Variants in EIF2S3B observed in about 807,000 individuals in gnomAD.
EIF2S3B encodes the protein eukaryotic translation initiation factor 2 subunit gamma B, also known as eukaryotic translation initiation factor 2 subunit 3B.
EIF2S3B carries 16 observed loss-of-function variants against 26.4 expected under a neutral mutation model. The ratio of observed to expected loss-of-function variants is 0.61; its 90% confidence interval spans 0.41 to 0.92. The LOEUF is 0.92. EIF2S3B is among the 40% of genes least tolerant of loss of function. The pLI is 0.00. For synonymous variants in EIF2S3B, 183 were observed against 204.4 expected (o/e 0.90, Z 0.89); for missense variants, 510 against 575.5 (o/e 0.89, Z 1.16).
chr12:10,513,882 G>A (rs947052430), intron 1 of EIF2S3B, among the ~76,000 whole-genome samples: 2 of 151,354 alleles, frequency 1.3e-5, no homozygotes, highest in Non-Finnish European at 3.0e-5. Flanking sequence ...GGGCATGGTG[G>A]CGTATGCCTG....
At chr12:10,511,467 T>A (rs1036268237), downstream of EIF2S3B, among the ~76,000 whole-genome samples, 1 of 152,080 alleles carries the variant, frequency 6.6e-6, no homozygotes, top group Non-Finnish European at 1.5e-5. Context: ...TTTACTGAAA[T>A]TCTAAAGAAC....
rs1482857533 is a variant in EIF2S3B at position 10,506,158 on chromosome 12, G to A, written c.256G>A (p.Ala86Thr). Reference protein sequence around the residue: ...NITIKLGYANAKIYQLDDPSC... With the variant: ...NITIKLGYANTKIYQLDDPSC... ...TACAATCAAGCTTGGATATGCTAAT[G>A]CTAAGATTTATCAACTTGATGACCC... is the stretch of plus-strand genomic sequence containing the variant. Residue 86 changes from alanine (A) to threonine (T), a missense_variant, in exon 1 of 1, where the codon GCT (alanine) becomes ACT (threonine). By Grantham distance (58) the Ala-to-Thr change is moderately conservative. Transcript: ENST00000538173. 6 of 1,576,932 alleles carry A rather than the reference G, an allele frequency of 3.8e-6. No individual in the cohort carries two copies. The highest frequency in any genetic ancestry group is 5.2e-6 in the Non-Finnish European group (6 of 1,146,024).
At chr12:10,508,525 C>CAAATAAAAAAA (rs1864671296), downstream of EIF2S3B, among the ~76,000 whole-genome samples, 1 of 62,972 alleles carries the variant, frequency 1.6e-5, no homozygotes, top group African/African-American at 5.5e-5. Context: ...TGTTAGAAAG[C>CAAATAAAAAAA]AAAAAAAAAA....
rs749480927 is a variant in EIF2S3B, at chr12:10,507,094, C to G, written c.1192C>G (p.Leu398Val). 3 of 1,613,780 alleles carry G rather than the reference C, an allele frequency of 1.9e-6. No individual in the cohort carries two copies. The highest frequency in any genetic ancestry group is 4.5e-5 in the East Asian group (2 of 44,894). Residue 398 changes from leucine (L) to valine (V), a missense_variant, in exon 1 of 1, where the codon CTG (leucine) becomes GTG (valine). Leu to Val is a conservative substitution (Grantham distance 32). Transcript: ENST00000538173. ...GDKKAAKVQKLSKNEVLMVNI... is the reference protein window; with the variant it reads ...GDKKAAKVQKVSKNEVLMVNI... ...CAAGAAAGCAGCAAAGGTTCAAAAG[C>G]TGTCTAAGAATGAAGTGCTCATGGT... is the stretch of plus-strand genomic sequence containing the variant.
chr12:10,508,544 A>G (rs945464832), downstream of EIF2S3B, among the ~76,000 whole-genome samples: 2 of 150,532 alleles, frequency 1.3e-5, no homozygotes, highest in Non-Finnish European at 3.0e-5. Flanking sequence ...AAAAAAAAAA[A>G]AAAAAGAAAA....
At chr12:10,519,539 C>G (rs1254597421) in intron 1 of EIF2S3B, among the ~76,000 whole-genome samples, 1 of 152,010 alleles carries the variant, frequency 6.6e-6, no homozygotes, top group Non-Finnish European at 1.5e-5. Context: ...AGCTTCTGTA[C>G]AGCAAAAGAA....
exon 2 of EIF2S3B, chr12:10,522,763 C>G: frequency 1.6e-6 from 1 of 633,062 alleles, no homozygotes; most frequent in Non-Finnish European, 2.8e-6. Flanking sequence ...TCTGGAGATT[C>G]TTTGCAGGCT....
chr12:10,508,611 G>A (rs1377548056), downstream of EIF2S3B, among the ~76,000 whole-genome samples: 1 of 145,830 alleles, frequency 6.9e-6, no homozygotes, highest in Non-Finnish European at 1.5e-5. Context: ...CAGCCCTGAA[G>A]ACGGCATTGT....
chr12:10,518,289 C>T (rs548348882), intron 1 of EIF2S3B, among the ~76,000 whole-genome samples: 153 of 152,238 alleles, frequency 1.0e-3, no homozygotes, highest in Non-Finnish European at 1.5e-3. Flanking sequence ...AATCTGGGTG[C>T]TCCTGTATTG....
chr12:10,517,806 T>C, intron 1 of EIF2S3B, among the ~76,000 whole-genome samples: 1 of 152,244 alleles, frequency 6.6e-6, no homozygotes, highest in Non-Finnish European at 1.5e-5. Context: ...TTCTGGTATG[T>C]TGTGTCTTTG....
downstream of EIF2S3B, among the ~76,000 whole-genome samples, chr12:10,512,155 T>C (rs1591634524): frequency 6.6e-6 from 1 of 152,172 alleles, no homozygotes; most frequent in East Asian, 1.9e-4. Flanking sequence ...ACTAATCAAT[T>C]ATCTTCTCCT....
At chr12:10,518,718 G>C (rs1054188717) in intron 1 of EIF2S3B, among the ~76,000 whole-genome samples, 2 of 151,742 alleles carry the variant, frequency 1.3e-5, no homozygotes, top group African/African-American at 4.8e-5. Flanking sequence ...ACCAACAACA[G>C]ACAAACAGAG....
At chr12:10,521,946 A>G (rs185140227) in intron 1 of EIF2S3B, among the ~76,000 whole-genome samples, 4 of 152,332 alleles carry the variant, frequency 2.6e-5, no homozygotes, top group African/African-American at 4.8e-5. Flanking sequence ...GGCCTTAAGA[A>G]AATAACTTCT....
At chr12:10,520,225 T>C (rs1439214705) in intron 1 of EIF2S3B, among the ~76,000 whole-genome samples, 4 of 151,496 alleles carry the variant, frequency 2.6e-5, no homozygotes, top group East Asian at 1.9e-4. Flanking sequence ...ATGGATGAAA[T>C]TGGAAATCAT....
chr12:10,510,671 T>G (rs901407662), downstream of EIF2S3B, among the ~76,000 whole-genome samples: 4 of 152,066 alleles, frequency 2.6e-5, no homozygotes, highest in Admixed American at 2.6e-4. Context: ...GTGCCGAAAG[T>G]CTGTATGTTG....
chr12:10,516,642 A>G (rs1864760602), intron 1 of EIF2S3B, among the ~76,000 whole-genome samples: 1 of 151,498 alleles, frequency 6.6e-6, no homozygotes, highest in Non-Finnish European at 1.5e-5. Context: ...AACTTCCAAC[A>G]CTATGTTGAA....
Position 10,507,163 on chromosome 12 carries a change from A to G in EIF2S3B, c.1261A>G (p.Lys421Glu), listed in dbSNP as rs1864644430. 7 of 1,613,920 alleles carry G rather than the reference A, an allele frequency of 4.3e-6. No individual in the cohort carries two copies. Among genetic ancestry groups the G allele is most frequent in the Non-Finnish European group, 5.9e-6 (7 of 1,179,764 alleles). The change falls in exon 1 of 1, where the codon AAG becomes GAG. Residue 421 changes from lysine (K) to glutamate (E), a missense_variant. Lys to Glu is a moderately conservative substitution (Grantham distance 56, BLOSUM62 1). Transcript: ENST00000538173. Reference protein sequence around the residue: ...LSTGGRVSAVKADLGKIVLTN... With the variant: ...LSTGGRVSAVEADLGKIVLTN... ...GACAGGAGGGAGAGTTAGTGCTGTC[A>G]AGGCCGATTTGGGCAAAATTGTTTT... is the stretch of plus-strand genomic sequence containing the variant.
chr12:10,509,953 T>C (rs1355075736), downstream of EIF2S3B, among the ~76,000 whole-genome samples: 1 of 152,138 alleles, frequency 6.6e-6, no homozygotes, highest in Admixed American at 6.5e-5. Context: ...TTTTTTTCCA[T>C]GGACATGACA....
At chr12:10,516,651 A>C (rs977862372) in intron 1 of EIF2S3B, among the ~76,000 whole-genome samples, 3 of 151,706 alleles carry the variant, frequency 2.0e-5, no homozygotes, top group Non-Finnish European at 2.9e-5. Context: ...CACTATGTTG[A>C]ATAGGAGTGG....
Sources: gnomAD v4.1 joint callset for allele counts (sites outside exome capture counted in the v4.1 genomes callset) on GRCh38, gnomAD v4.1.1 for gene constraint, MANE v1.5 for transcripts, NCBI Gene and HGNC (gene_info 2026-07-23, HGNC 2026-07-21) for gene names.